Variants in ATP1A1 observed in about 807,000 individuals in gnomAD.
The protein encoded by ATP1A1 is ATPase Na+/K+ transporting subunit alpha 1.
A neutral mutation model predicts 114.8 loss-of-function variants in ATP1A1; 14 were observed. That is an observed-to-expected ratio of 0.12 (90% CI 0.08 to 0.19). ATP1A1 has a LOEUF of 0.19. ATP1A1 is among the 10% of genes least tolerant of loss of function. ATP1A1 has a pLI of 1.00. For missense variants in ATP1A1, 524 were observed against 1,290.7 expected, an observed-to-expected ratio of 0.41 and a Z score of 9.10; for synonymous variants, 471 against 466.3, an observed-to-expected ratio of 1.01 and a Z score of -0.13.
intron 1 of ATP1A1, among the ~76,000 whole-genome samples, chr1:116,379,047 C>G (rs554299862): frequency 1.3e-5 from 2 of 152,214 alleles, no homozygotes; most frequent in Admixed American, 1.3e-4. Flanking sequence ...TTCTTTACAC[C>G]TTTTAGAATT....
Position 116,395,376 on chromosome 1 carries a change from C to A in ATP1A1, c.1836+91C>A. 7.2e-7 allele frequency: 1 copy of A among 1,386,116 alleles called. No homozygotes were observed. The highest frequency in any genetic ancestry group is 9.8e-7 in the Non-Finnish European group (1 of 1,017,202). 85.9% of individuals were successfully genotyped at this position (1,386,116 alleles called of 1,614,324 possible). Reference sequence around the variant, plus strand: ...TGCCTTTTGAGGTCCAGATGGCCAGCTGTTCTATCTCACCTGGAGTATTAA... The same window carrying A: ...TGCCTTTTGAGGTCCAGATGGCCAGATGTTCTATCTCACCTGGAGTATTAA... On this transcript the variant is annotated intron_variant, in intron 13 of 22. Coordinates refer to ENST00000295598, the MANE Select transcript of ATP1A1 (RefSeq NM_000701.8). This position sits in a 1 kb window ranked among gnomAD's most constrained non-coding sequence, Gnocchi z 6.4.
Position 116,399,623 on chromosome 1 carries a change from T to A in ATP1A1, c.2572+80T>A. 6.3e-7 allele frequency: 1 copy of A among 1,577,980 alleles called. No individual in the cohort carries two copies. The highest frequency in any genetic ancestry group is 1.2e-5 in the South Asian group (1 of 85,706). ...GTGTCCACCTCAGGTTGAGGTTGAT[T>A]TCAGAGACTGCAAATCCAGGCGACT... On this transcript the variant is annotated intron_variant, in intron 18 of 22. Transcript: ENST00000295598. The surrounding 1 kb of genome is among the most constrained non-coding windows in gnomAD (Gnocchi z 5.0).
intron 3 of ATP1A1, chr1:116,386,159 G>GAAAAAA (rs1553190495): frequency 9.0e-6 from 1 of 111,486 alleles, no homozygotes; most frequent in Non-Finnish European, 1.9e-5. Flanking sequence ...AAAAAAAAAG[G>GAAAAAA]AGAGAAGAAC....
At chr1:116,394,001 G>GTTTGT (rs2101052818) in intron 12 of ATP1A1, among the ~76,000 whole-genome samples, 1 of 151,462 alleles carries the variant, frequency 6.6e-6, no homozygotes, top group South Asian at 2.1e-4. Context: ...AGTCAGTTCT[G>GTTTGT]TTTGTTTAAA....
Position 116,388,370 on chromosome 1 carries a change from A to T in ATP1A1, c.501+126A>T, listed in dbSNP as rs571026596. 1.0e-6 allele frequency: 1 copy of T among 1,002,100 alleles called. No homozygotes were observed. The highest frequency in any genetic ancestry group is 1.5e-5 in the South Asian group (1 of 67,532). 62.1% of individuals were successfully genotyped at this position (1,002,100 alleles called of 1,614,324 possible). A position where few individuals can be genotyped will look rare whatever the true frequency, so the allele number is the denominator to read the frequency against. ...CTCATCAGAGAGATGGATGTCTTCT[A>T]CCCCACCCAAAACCAACCTATTTTC... On this transcript the variant is annotated intron_variant, in intron 5 of 22. Transcript: ENST00000295598. The surrounding 1 kb of genome is among the most constrained non-coding windows in gnomAD (Gnocchi z 5.6).
chr1:116,373,849 C>T, intron 1 of ATP1A1: 1 of 1,049,994 alleles, frequency 9.5e-7, no homozygotes, highest in Non-Finnish European at 1.1e-6. Context: ...GCCTCGGGGC[C>T]GGGAGGAGGG....
Position 116,385,020 on chromosome 1 carries a change from C to T in ATP1A1, c.183+178C>T. 2 of 618,184 alleles carry T rather than the reference C, an allele frequency of 3.2e-6. No homozygotes were observed. The highest frequency in any genetic ancestry group is 5.6e-6 in the Non-Finnish European group (2 of 354,894). 38.3% of individuals were successfully genotyped at this position (618,184 alleles called of 1,614,324 possible). A position where few individuals can be genotyped will look rare whatever the true frequency, so the allele number is the denominator to read the frequency against. The stretch of plus-strand genomic sequence containing the variant: ...CATTTATATGCTACCGTTTCTTTTC[C>T]CTGAAACTTTTTGAAAGTAGATGTT... On this transcript the variant is annotated intron_variant, in intron 3 of 22. Transcript: ENST00000295598. The surrounding 1 kb of genome is among the most constrained non-coding windows in gnomAD (Gnocchi z 4.3).
At chr1:116,378,726 T>G (rs1260587789) in intron 1 of ATP1A1, among the ~76,000 whole-genome samples, 2 of 152,232 alleles carry the variant, frequency 1.3e-5, no homozygotes, top group African/African-American at 2.4e-5. Context: ...GCAGTCATTT[T>G]CCTTCCTAGC....
At position 116,389,280 on chromosome 1, in the gene ATP1A1, C is replaced by T. The variant is rs1200834090; in HGVS notation, c.755-159C>T. 2.0e-5 allele frequency among the ~76,000 whole-genome samples: 3 copies of T among 152,162 alleles called. No individual in the cohort carries two copies. Among genetic ancestry groups the T allele is most frequent in the Non-Finnish European group, 2.9e-5 (2 of 68,024 alleles). On this transcript the variant is annotated intron_variant, in intron 7 of 22. Coordinates refer to ENST00000295598, the MANE Select transcript of ATP1A1 (RefSeq NM_000701.8). The surrounding 1 kb of genome is among the most constrained non-coding windows in gnomAD (Gnocchi z 6.9). ...CTGTCCTGCTACTGGAGAGAAGTCC[C>T]TTTGCCAAACAGCATGTACAGCCAA...
rs537795764 is a variant in ATP1A1 at position 116,385,040 on chromosome 1, G to A, written c.183+198G>A. On this transcript the variant is annotated intron_variant, in intron 3 of 22. Transcript: ENST00000295598. This position sits in a 1 kb window ranked among gnomAD's most constrained non-coding sequence, Gnocchi z 4.3. Reference sequence around the variant, plus strand: ...TTTTCCCTGAAACTTTTTGAAAGTAGATGTTATTTTCTTTTCCCTATTTTA... The same window carrying A: ...TTTTCCCTGAAACTTTTTGAAAGTAAATGTTATTTTCTTTTCCCTATTTTA... 1.0e-4 allele frequency: 59 copies of A among 572,728 alleles called. 1 individual carries two copies. Among genetic ancestry groups the A allele is most frequent in the South Asian group, 1.0e-3 (47 of 46,364 alleles). 35.5% of individuals were successfully genotyped at this position (572,728 alleles called of 1,614,324 possible). A position where few individuals can be genotyped will look rare whatever the true frequency, so the allele number is the denominator to read the frequency against.
At position 116,390,775 on chromosome 1, in the gene ATP1A1, C is replaced by T. The variant is rs1376219646; in HGVS notation, c.1223-7C>T. ...GTTGTTCTGTTGTGTTTTCTTGCCTCCATCAGGTGTCTCTTTTGACAAGAC... is the reference window on the plus strand; with the variant it reads ...GTTGTTCTGTTGTGTTTTCTTGCCTTCATCAGGTGTCTCTTTTGACAAGAC... On this transcript the variant is annotated splice_region_variant and splice_polypyrimidine_tract_variant and intron_variant, in intron 9 of 22. Transcript: ENST00000295598. The T allele has an allele frequency of 6.2e-7, 1 of 1,612,386 alleles. No individual in the cohort carries two copies. The highest frequency in any genetic ancestry group is 2.2e-5 in the East Asian group (1 of 44,850).
rs1196747449 is a variant in ATP1A1, at chr1:116,401,061, CTG to C, written c.2718+56_2718+57del. ...TCAGAGCTCCTCAAGCCCCAGAAGA[CTG>C]AGGCCACACTGCCACCAGCCATGCA... On this transcript the variant is annotated intron_variant, in intron 19 of 22. Coordinates refer to ENST00000295598, the MANE Select transcript of ATP1A1 (RefSeq NM_000701.8). This position sits in a 1 kb window ranked among gnomAD's most constrained non-coding sequence, Gnocchi z 4.7. 1 of 1,612,400 alleles carries C rather than the reference CTG, an allele frequency of 6.2e-7. No individual in the cohort carries two copies. Among genetic ancestry groups the C allele is most frequent in the Non-Finnish European group, 8.5e-7 (1 of 1,178,580 alleles).
chr1:116,387,742 G>C lies in ATP1A1; in HGVS notation c.387+251G>C, dbSNP rs1457443999. 6.6e-6 allele frequency among the ~76,000 whole-genome samples: 1 copy of C among 152,248 alleles called. No individual in the cohort carries two copies. The highest frequency in any genetic ancestry group is 1.5e-5 in the Non-Finnish European group (1 of 68,040). The stretch of plus-strand genomic sequence containing the variant: ...CTGCATGTGCTGCTGTGAGCAGGCA[G>C]CTCTGCTCAGGCCCCGGCCGCCACC... On this transcript the variant is annotated intron_variant, in intron 4 of 22. Coordinates refer to ENST00000295598, the MANE Select transcript of ATP1A1 (RefSeq NM_000701.8). This position sits in a 1 kb window ranked among gnomAD's most constrained non-coding sequence, Gnocchi z 6.7.
chr1:116,374,159 C>T, intron 1 of ATP1A1: 2 of 1,549,250 alleles, frequency 1.3e-6, no homozygotes, highest in Non-Finnish European at 1.7e-6. Context: ...AAAGAAAAAA[C>T]TGGCTGCTTC....
At chr1:116,403,082 G>C (rs1257950793) in intron 21 of ATP1A1, among the ~76,000 whole-genome samples, 2 of 152,194 alleles carry the variant, frequency 1.3e-5, no homozygotes, top group Admixed American at 1.3e-4. Flanking sequence ...GTCCTTCCCT[G>C]GTTTTTTTGC....
chr1:116,402,060 C>T (rs1653530462), intron 21 of ATP1A1: 1 of 178,472 alleles, frequency 5.6e-6, no homozygotes, highest in Non-Finnish European at 1.2e-5. Flanking sequence ...ACAAGTCATC[C>T]ACCTTTCTGA....
chr1:116,380,760 C>T lies in ATP1A1; in HGVS notation c.13-3254C>T, dbSNP rs75312018. ...ATTTTATCTTCTCATGTCTTGGGCA[C>T]CTTTTCCCTCTACCCAGATCAAATA... On this transcript the variant is annotated intron_variant, in intron 1 of 22. Coordinates refer to ENST00000295598, the MANE Select transcript of ATP1A1 (RefSeq NM_000701.8). Among the ~76,000 whole-genome samples the T allele has an allele frequency of 4.8e-3, 734 of 152,204 alleles. 6 individuals are homozygous for T. Among genetic ancestry groups the T allele is most frequent in the African/African-American group, 0.016 (664 of 41,514 alleles).
Position 116,387,199 on chromosome 1 carries a change from C to G in ATP1A1, c.184-89C>G. 6.9e-7 allele frequency: 1 copy of G among 1,455,752 alleles called. No homozygotes were observed. Among genetic ancestry groups the G allele is most frequent in the Non-Finnish European group, 9.4e-7 (1 of 1,058,524 alleles). 90.2% of individuals were successfully genotyped at this position (1,455,752 alleles called of 1,614,324 possible). ...GGGACATTTTGTTTCTTCCTTAAAT[C>G]CTTATTGCAACCGTCCAGCTACCAG... On this transcript the variant is annotated intron_variant, in intron 3 of 22. Transcript: ENST00000295598. The surrounding 1 kb of genome is among the most constrained non-coding windows in gnomAD (Gnocchi z 6.7).
rs114525271 is a variant in ATP1A1 at position 116,401,150 on chromosome 1, C to T, written c.2739C>T (p.Ile913=). 946 of 1,614,154 alleles carry T rather than the reference C, an allele frequency of 5.9e-4. 7 individuals are homozygous for T. In the African/African-American group the frequency reaches 0.011, roughly 19 times the overall value. ...GQQWTYEQRK[I]VEFTCHTAFF... ...TTCAGACCTATGAGCAGAGGAAAAT[C>T]GTGGAGTTCACCTGCCACACAGCCT... The change falls in exon 20 of 23, where the codon ATC becomes ATT. Residue 913 remains isoleucine (I), a synonymous_variant. Coordinates refer to ENST00000295598, the MANE Select transcript of ATP1A1 (RefSeq NM_000701.8). This position sits in a 1 kb window ranked among gnomAD's most constrained non-coding sequence, Gnocchi z 4.7.
Sources: allele counts gnomAD v4.1 joint callset (sites outside exome capture counted in the v4.1 genomes callset), GRCh38; gene constraint gnomAD v4.1.1; non-coding constraint Gnocchi (gnomAD v3.1); transcripts MANE v1.5; gene names NCBI Gene and HGNC (gene_info 2026-07-23, HGNC 2026-07-21).